SLC9B2: variants seen among roughly 807,000 people sequenced by gnomAD.
The protein encoded by SLC9B2 is sodium/hydrogen exchanger 9B2.
A neutral mutation model predicts 52.2 loss-of-function variants in SLC9B2; 39 were observed. That is an observed-to-expected ratio of 0.75 (90% CI 0.58 to 0.98). SLC9B2 has a LOEUF of 0.98. Ranked by LOEUF, SLC9B2 falls within the 50% of genes least tolerant of loss-of-function variation. The pLI, the probability that SLC9B2 is intolerant of heterozygous loss-of-function variation, is 0.00. For missense variants in SLC9B2, 626 were observed against 637.5 expected (o/e 0.98, Z 0.19); for synonymous variants, 214 against 227.0 (o/e 0.94, Z 0.51).
At chr4:103,062,580 C>T (rs1026316227) in intron 3 of SLC9B2, among the ~76,000 whole-genome samples, 39 of 152,166 alleles carry the variant, frequency 2.6e-4, no homozygotes, top group African/African-American at 9.2e-4. Flanking sequence ...TTCTCATTTA[C>T]GATTATGGAA....
chr4:103,064,197 A>G (rs374771904), intron 3 of SLC9B2, among the ~76,000 whole-genome samples: 7 of 152,366 alleles, frequency 4.6e-5, no homozygotes, highest in African/African-American at 1.7e-4. Context: ...CTGCACTCCC[A>G]TGTTTATTGC....
chr4:103,062,232 C>T (rs1745713178), intron 3 of SLC9B2, among the ~76,000 whole-genome samples: 1 of 152,066 alleles, frequency 6.6e-6, no homozygotes, highest in South Asian at 2.1e-4. Flanking sequence ...ACCAGCCTGA[C>T]CAACATGGTG....
In SLC9B2 at chr4:103,026,389, T is replaced by C. The variant is rs1170136576; in HGVS notation, c.1595A>G (p.Glu532Gly). Residue 532 changes from glutamate (E) to glycine (G), a missense_variant, in exon 12 of 12, where the codon GAG becomes GGG. By Grantham distance (98) the Glu-to-Gly change is moderately conservative. Transcript: ENST00000394785. ...TCACCTCTAAACTTGCACAGAAGTC[T>C]CTCCTTGAACTTCTTCATCTTTATT... ...HQNKDEEVQGETSVQV is the reference protein window; with the variant it reads ...HQNKDEEVQGGTSVQV 30 of 1,611,744 alleles carry C rather than the reference T, an allele frequency of 1.9e-5. No homozygotes were observed. The highest frequency in any genetic ancestry group is 2.5e-5 in the Non-Finnish European group (30 of 1,178,682).
intron 6 of SLC9B2, 96 bp downstream of exon 6, chr4:103,048,797 C>T: frequency 1.4e-6 from 2 of 1,400,388 alleles, no homozygotes; most frequent in Middle Eastern, 1.9e-4. Context: ...TTTCTGATAT[C>T]TATAAGAAAA....
intron 7 of SLC9B2, 24 bp from the exon 8 acceptor site, chr4:103,045,020 T>TA (rs756154163): frequency 6.6e-7 from 1 of 1,517,144 alleles, no homozygotes. Context: ...TAAAAAAACT[T>TA]AGAGCTCTAA....
At chr4:103,063,011 A>C (rs1745806409) in intron 3 of SLC9B2, among the ~76,000 whole-genome samples, 2 of 152,240 alleles carry the variant, frequency 1.3e-5, no homozygotes, top group Non-Finnish European at 2.9e-5. Flanking sequence ...CAGAAAAATA[A>C]GCGATGAGAT....
At chr4:103,068,310 G>T (rs142672719) in intron 1 of SLC9B2, among the ~76,000 whole-genome samples, 1 of 152,276 alleles carries the variant, frequency 6.6e-6, no homozygotes, top group African/African-American at 2.4e-5. Context: ...ATGCTATACA[G>T]GCTACAAGGC....
At chr4:103,055,850 C>T (rs184873511) in intron 4 of SLC9B2, among the ~76,000 whole-genome samples, 3 of 147,548 alleles carry the variant, frequency 2.0e-5, no homozygotes, top group Non-Finnish European at 1.5e-5. Flanking sequence ...GTCACCCAGG[C>T]TGGAGTGCAG....
At chr4:103,027,041 C>G (rs1742290068) in intron 11 of SLC9B2, among the ~76,000 whole-genome samples, 1 of 151,966 alleles carries the variant, frequency 6.6e-6, no homozygotes, top group Non-Finnish European at 1.5e-5. Context: ...TGTGCCCAGC[C>G]CAGCTGGTTC....
In SLC9B2 at chr4:103,026,625, A is replaced by G. The variant is rs1188076038; in HGVS notation, c.1393-34T>C. 15 of 1,581,890 alleles carry G rather than the reference A, an allele frequency of 9.5e-6. No homozygotes were observed. The African/African-American group carries it at 1.1e-4, about 11-fold the overall frequency. The stretch of plus-strand genomic sequence containing the variant: ...GTTTAAGGGTAAAAATGGAATCATG[A>G]TAAGATAAGCACATATAAAAAAAGT... On this transcript the variant is annotated intron_variant, in intron 11 of 11. Coordinates refer to ENST00000394785, the MANE Select transcript of SLC9B2 (RefSeq NM_178833.7).
At chr4:103,018,738 A>G (rs993525977), downstream of SLC9B2, among the ~76,000 whole-genome samples, 7 of 152,252 alleles carry the variant, frequency 4.6e-5, no homozygotes, top group African/African-American at 9.6e-5. Flanking sequence ...CAGACACAGT[A>G]TGTGTGCAAC....
chr4:103,035,883 TC>T (rs1280875152), intron 9 of SLC9B2, among the ~76,000 whole-genome samples: 1 of 152,122 alleles, frequency 6.6e-6, no homozygotes, highest in Non-Finnish European at 1.5e-5. Context: ...TACATGCCCA[TC>T]AACGGTAGAC....
chr4:103,066,382 C>CA lies in SLC9B2; in HGVS notation c.215dup (p.Arg73GlufsTer36), dbSNP rs1322405740. 1 of 1,614,082 alleles carries CA rather than the reference C, an allele frequency of 6.2e-7. No individual in the cohort carries two copies. The highest frequency in any genetic ancestry group is 1.1e-5 in the South Asian group (1 of 91,080). ...GTGGAGGGCAAGCCAGCATTTGTCT[C>CA]AGTCTTTGTACGTGATTTGCTTCAG... On this transcript the variant is annotated frameshift_variant, in exon 3 of 12. Coordinates refer to ENST00000394785, the MANE Select transcript of SLC9B2 (RefSeq NM_178833.7).
chr4:103,039,560 G>A (rs1743452929), intron 9 of SLC9B2, among the ~76,000 whole-genome samples: 1 of 152,000 alleles, frequency 6.6e-6, no homozygotes, highest in South Asian at 2.1e-4. Flanking sequence ...AAAAGATATG[G>A]AGAGTACCTG....
chr4:103,027,376 C>T (rs1204893273), intron 11 of SLC9B2, among the ~76,000 whole-genome samples: 1 of 151,896 alleles, frequency 6.6e-6, no homozygotes, highest in Non-Finnish European at 1.5e-5. Context: ...CATTGTCAAA[C>T]GTCATGAAAC....
chr4:103,076,528 T>C lies in SLC9B2; in HGVS notation c.-387A>G, dbSNP rs1747186976. ...CGGGTTTCAGGTCCGGCGGCGCGGGTGCAGAGCCGCGTGCGATGCCTGGTG... is the reference window on the plus strand; with the variant it reads ...CGGGTTTCAGGTCCGGCGGCGCGGGCGCAGAGCCGCGTGCGATGCCTGGTG... On this transcript the variant is annotated 5_prime_UTR_variant, in exon 1 of 12. Transcript: ENST00000394785. 1 of 152,074 alleles carries C rather than the reference T, an allele frequency of 6.6e-6. No individual in the cohort carries two copies. Among genetic ancestry groups the C allele is most frequent in the South Asian group, 2.1e-4 (1 of 4,832 alleles). 9.4% of individuals were successfully genotyped at this position (152,074 alleles called of 1,614,324 possible). A position where few individuals can be genotyped will look rare whatever the true frequency, so the allele number is the denominator to read the frequency against.
At chr4:103,046,613 GCTCT>G (rs536173593) in intron 7 of SLC9B2, among the ~76,000 whole-genome samples, 3 of 151,610 alleles carry the variant, frequency 2.0e-5, no homozygotes, top group African/African-American at 7.3e-5. Flanking sequence ...CACTTGGACT[GCTCT>G]CTGTCATTTG....
In SLC9B2 at chr4:103,072,056, G is replaced by GTTTTTTTTTTTTTTTT. The variant is rs779979130; in HGVS notation, c.-43+4112_-43+4127dup. Among the ~76,000 whole-genome samples, 258 of 95,308 alleles carry GTTTTTTTTTTTTTTTT rather than the reference G, an allele frequency of 2.7e-3. 39 individuals are homozygous for GTTTTTTTTTTTTTTTT. Among genetic ancestry groups the GTTTTTTTTTTTTTTTT allele is most frequent in the African/African-American group, 7.7e-3 (167 of 21,810 alleles). The allele number at this position is 95,308 out of a possible 152,430, so 62.5% of individuals were successfully genotyped here. A position where few individuals can be genotyped will look rare whatever the true frequency, so the allele number is the denominator to read the frequency against. On this transcript the variant is annotated intron_variant, in intron 1 of 11. Coordinates refer to ENST00000394785, the MANE Select transcript of SLC9B2 (RefSeq NM_178833.7). ...CAAAATTTTCAAGTTTGGCTTTCATGTTTTTTTTTTTTTTTTTTTTGAGGT... is the reference window on the plus strand; with the variant it reads ...CAAAATTTTCAAGTTTGGCTTTCATGTTTTTTTTTTTTTTTTTTTTTTTTTTTTTTTTTTTTGAGGT...
chr4:103,026,572 G>C lies in SLC9B2; in HGVS notation c.1412C>G (p.Ala471Gly). Residue 471 changes from alanine to glycine, a missense_variant, in exon 12 of 12, where the codon GCT becomes GGT. Transcript: ENST00000394785. ...TCCATGTGACCTTGCTGTGTCCAAA[G>C]CCACAGATCCTATTGCAGCCTATAA... is the stretch of plus-strand genomic sequence containing the variant. The part of the protein sequence containing the change: ...ATVQAAIGSV[A>G]LDTARSHGEK... The C allele has an allele frequency of 6.2e-7, 1 of 1,613,254 alleles. No individual in the cohort carries two copies. The highest frequency in any genetic ancestry group is 8.5e-7 in the Non-Finnish European group (1 of 1,179,540).
Sources: gnomAD v4.1 joint callset for allele counts (sites outside exome capture counted in the v4.1 genomes callset) on GRCh38, gnomAD v4.1.1 for gene constraint, MANE v1.5 for transcripts, NCBI Gene and HGNC (gene_info 2026-07-23, HGNC 2026-07-21) for gene names.